The following COL23A1 variants were observed in gnomAD, a reference collection of about 807,000 sequenced individuals.
COL23A1 encodes the protein collagen type XXIII alpha 1 chain.
Under a neutral mutation model 99.3 loss-of-function variants are expected in COL23A1, and 97 were observed. That is an observed-to-expected ratio of 0.98 (90% CI 0.83 to 1.16). COL23A1 has a LOEUF of 1.16. Ranked by LOEUF, COL23A1 falls within the 50% of genes most tolerant of loss-of-function variation. The pLI is 0.00. For synonymous variants in COL23A1, 320 were observed against 308.2 expected (o/e 1.04, Z -0.40); for missense variants, 762 against 757.4 (o/e 1.01, Z -0.07).
At chr5:178,493,610 C>G (rs1472562042) in intron 2 of COL23A1, among the ~76,000 whole-genome samples, 2 of 152,242 alleles carry the variant, frequency 1.3e-5, no homozygotes, top group Non-Finnish European at 2.9e-5. Context: ...GCCAGCCGCT[C>G]TGGCCATCTC....
Position 178,566,123 on chromosome 5 carries a change from A to G in COL23A1, c.295-5375T>C, listed in dbSNP as rs377311287. ...GCCTGGGCAACAAGAGCAAGACTCC[A>G]TCCCAAAAAATAAATTAAAAATAAC... On this transcript the variant is annotated intron_variant, in intron 1 of 28. Transcript: ENST00000390654. 3.8e-4 allele frequency among the ~76,000 whole-genome samples: 58 copies of G among 152,126 alleles called. 2 individuals are homozygous for G. In the South Asian group the frequency reaches 0.012, roughly 31 times the overall value.
At chr5:178,314,944 G>A (rs573553590) in intron 2 of COL23A1, among the ~76,000 whole-genome samples, 7 of 152,240 alleles carry the variant, frequency 4.6e-5, no homozygotes, top group Middle Eastern at 3.4e-3. Context: ...AATAGTCCAC[G>A]GTTTTCATAA....
At chr5:178,304,689 A>C (rs1464417065) in intron 3 of COL23A1, among the ~76,000 whole-genome samples, 3 of 152,126 alleles carry the variant, frequency 2.0e-5, no homozygotes, top group African/African-American at 4.8e-5. Flanking sequence ...TGTGTAGCTC[A>C]CTTTGTTTTT....
intron 5 of COL23A1, among the ~76,000 whole-genome samples, chr5:178,272,154 C>A (rs544913095): frequency 2.0e-5 from 3 of 152,238 alleles, no homozygotes; most frequent in African/African-American, 7.2e-5. Context: ...GCCTTCCCTG[C>A]GTTTCCAGCT....
rs879838523 is a variant in COL23A1 at position 178,358,240 on chromosome 5, A to ATG, written c.362-51323_362-51322dup. On this transcript the variant is annotated intron_variant, in intron 2 of 28. Coordinates refer to ENST00000390654, the MANE Select transcript of COL23A1 (RefSeq NM_173465.4). ...GTGTGTCTAATGTGTGTATGTGTGT[A>ATG]TGTGTATGTGTGTGTATGTATATGT... Among the ~76,000 whole-genome samples, 13 of 49,518 alleles carry ATG rather than the reference A, an allele frequency of 2.6e-4. No individual in the cohort carries two copies. In the South Asian group the frequency reaches 7.5e-3, roughly 29 times the overall value. The allele number at this position is 49,518 out of a possible 152,430, so 32.5% of individuals were successfully genotyped here.
chr5:178,249,716 A>T (rs5016418), intron 18 of COL23A1, among the ~76,000 whole-genome samples: 111 of 92,800 alleles, frequency 1.2e-3, no homozygotes, highest in African/African-American at 2.8e-3. Context: ...ACACACACAC[A>T]CTCTCTCTCT....
At position 178,590,153 on chromosome 5, in the gene COL23A1, C is replaced by A; in HGVS notation, c.45G>T (p.Lys15Asn). 1 of 1,228,552 alleles carries A rather than the reference C, an allele frequency of 8.1e-7. No homozygotes were observed. The highest frequency in any genetic ancestry group is 4.3e-5 in the Admixed American group (1 of 22,996). The allele number at this position is 1,228,552 out of a possible 1,614,324, so 76.1% of individuals were successfully genotyped here. The change falls in exon 1 of 29, where the codon AAG becomes AAT. Residue 15 changes from lysine (K) to asparagine (N), a missense_variant. Lys to Asn is a moderately conservative substitution (Grantham distance 94). Transcript: ENST00000390654. This position sits in a 1 kb window ranked among gnomAD's most constrained non-coding sequence, Gnocchi z 5.7. ...ERAGGGGDAGKGNAAGGGGGG... is the reference protein window; with the variant it reads ...ERAGGGGDAGNGNAAGGGGGG... ...CGCCGCCGCCGCCCGCCGCATTGCC[C>A]TTCCCCGCGTCGCCGCCGCCACCGG...
intron 2 of COL23A1, among the ~76,000 whole-genome samples, chr5:178,437,059 T>C (rs1319479921): frequency 1.3e-5 from 2 of 152,198 alleles, no homozygotes; most frequent in African/African-American, 4.8e-5. Flanking sequence ...CCAAGTCATA[T>C]ATTCTTAATA....
intron 2 of COL23A1, among the ~76,000 whole-genome samples, chr5:178,529,621 A>G (rs985293963): frequency 6.6e-6 from 1 of 152,294 alleles, no homozygotes; most frequent in Non-Finnish European, 1.5e-5. Flanking sequence ...ACTGACCAAT[A>G]GAGGGACAGA....
intron 2 of COL23A1, among the ~76,000 whole-genome samples, chr5:178,444,224 A>T (rs1336123319): frequency 6.6e-6 from 1 of 152,170 alleles, no homozygotes; most frequent in African/African-American, 2.4e-5. Flanking sequence ...GTAAACAAAC[A>T]AGATATAAAG....
Position 178,256,855 on chromosome 5 carries a change from T to C in COL23A1, c.837+11A>G. 1 of 1,611,848 alleles carries C rather than the reference T, an allele frequency of 6.2e-7. No homozygotes were observed. Among genetic ancestry groups the C allele is most frequent in the Non-Finnish European group, 8.5e-7 (1 of 1,179,142 alleles). On this transcript the variant is annotated intron_variant, in intron 14 of 28. Transcript: ENST00000390654. ...GCCCGCAGGCGCCAGAGCAGAGAGCTCTCATGTCACCTTCGGTCCTGGGGC... is the reference window on the plus strand; with the variant it reads ...GCCCGCAGGCGCCAGAGCAGAGAGCCCTCATGTCACCTTCGGTCCTGGGGC...
chr5:178,574,198 A>G (rs1763239311), intron 1 of COL23A1, among the ~76,000 whole-genome samples: 1 of 152,076 alleles, frequency 6.6e-6, no homozygotes, highest in Non-Finnish European at 1.5e-5. Context: ...AACAGGCAAA[A>G]CTGAGCTATT....
chr5:178,394,532 T>G (rs1431265839), intron 2 of COL23A1, among the ~76,000 whole-genome samples: 1 of 152,238 alleles, frequency 6.6e-6, no homozygotes, highest in Non-Finnish European at 1.5e-5. Flanking sequence ...AAAGCCACGA[T>G]GTTCCGGCCT....
intron 2 of COL23A1, among the ~76,000 whole-genome samples, chr5:178,463,936 C>G (rs987945765): frequency 2.6e-5 from 4 of 151,678 alleles, no homozygotes; most frequent in African/African-American, 4.9e-5. Context: ...CAGAACGAAC[C>G]TCTTGTTGTG....
chr5:178,465,655 A>G (rs1476073067), intron 2 of COL23A1, among the ~76,000 whole-genome samples: 1 of 152,182 alleles, frequency 6.6e-6, no homozygotes, highest in Non-Finnish European at 1.5e-5. Flanking sequence ...ATATTCTAGC[A>G]GGCTCTGAGC....
intron 2 of COL23A1, among the ~76,000 whole-genome samples, chr5:178,531,447 G>T (rs1441916927): frequency 1.3e-5 from 2 of 152,296 alleles, no homozygotes; most frequent in East Asian, 3.9e-4. Context: ...GCTCTGTCAA[G>T]ATGAAGGTCT....
intron 3 of COL23A1, among the ~76,000 whole-genome samples, chr5:178,293,707 G>T (rs1757584348): frequency 6.6e-6 from 1 of 151,318 alleles, no homozygotes; most frequent in South Asian, 2.1e-4. Context: ...AAGCTGGCAG[G>T]ATTCCAGCTG....
chr5:178,367,455 A>T (rs1762548217), intron 2 of COL23A1, among the ~76,000 whole-genome samples: 1 of 152,208 alleles, frequency 6.6e-6, no homozygotes, highest in Non-Finnish European at 1.5e-5. Context: ...AGTGTCCTGC[A>T]CATTTATACA....
At position 178,281,229 on chromosome 5, in the gene COL23A1, T is replaced by A. The variant is rs995299286; in HGVS notation, c.441+7095A>T. On this transcript the variant is annotated intron_variant, in intron 5 of 28. Coordinates refer to ENST00000390654, the MANE Select transcript of COL23A1 (RefSeq NM_173465.4). This position sits in a 1 kb window ranked among gnomAD's most constrained non-coding sequence, Gnocchi z 4.0. Reference sequence around the variant, plus strand: ...ACAGATGAATTTGGGATATTTCAGATAAATCGTTTAACTGATTACATTTTT... The same window carrying A: ...ACAGATGAATTTGGGATATTTCAGAAAAATCGTTTAACTGATTACATTTTT... 6.6e-6 allele frequency among the ~76,000 whole-genome samples: 1 copy of A among 152,228 alleles called. No individual in the cohort carries two copies. Among genetic ancestry groups the A allele is most frequent in the Non-Finnish European group, 1.5e-5 (1 of 68,034 alleles).
Sources: allele counts gnomAD v4.1 joint callset (sites outside exome capture counted in the v4.1 genomes callset), GRCh38; gene constraint gnomAD v4.1.1; non-coding constraint Gnocchi (gnomAD v3.1); transcripts MANE v1.5; gene names NCBI Gene and HGNC (gene_info 2026-07-23, HGNC 2026-07-21).